Variants in PEX7 observed in about 807,000 individuals in gnomAD.
PEX7 encodes the protein PTS2 receptor.
In PEX7, 34 loss-of-function variants were observed where a neutral mutation model predicts 47.5. The ratio of observed to expected loss-of-function variants is 0.72; its 90% confidence interval spans 0.54 to 0.95. PEX7 has a LOEUF of 0.95. Among genes scored for constraint, PEX7 ranks in the 40% least tolerant of loss-of-function variants. The pLI is 0.00. For missense variants in PEX7, 394 were observed against 400.3 expected, an observed-to-expected ratio of 0.98 and a Z score of 0.13; for synonymous variants, 141 against 148.8, an observed-to-expected ratio of 0.95 and a Z score of 0.38.
chr6:136,860,408 T>C (rs867648675), intron 5 of PEX7, among the ~76,000 whole-genome samples: 65 of 127,244 alleles, frequency 5.1e-4, no homozygotes, highest in African/African-American at 1.3e-3. Context: ...AAGCCATGGC[T>C]CTTTTTTTTT....
At chr6:136,903,948 A>C (rs1049380385) in intron 9 of PEX7, among the ~76,000 whole-genome samples, 1 of 152,010 alleles carries the variant, frequency 6.6e-6, no homozygotes, top group African/African-American at 2.4e-5. Flanking sequence ...CCGGGATTAC[A>C]GGTGTGAGCC....
At position 136,904,779 on chromosome 6, in the gene PEX7, T is replaced by A. The variant is rs113668425; in HGVS notation, c.903+6538T>A. 4.5e-3 allele frequency among the ~76,000 whole-genome samples: 681 copies of A among 152,242 alleles called. 2 individuals are homozygous for A. Among genetic ancestry groups the A allele is most frequent in the African/African-American group, 0.015 (641 of 41,546 alleles). On this transcript the variant is annotated intron_variant, in intron 9 of 9. Transcript: ENST00000318471. ...TTCTTCCCATTCTCAGATATGTCTT[T>A]ATCAGCAGCGTGAAAATGGACTAAT...
chr6:136,846,459 C>T (rs1774602881), intron 5 of PEX7, among the ~76,000 whole-genome samples: 1 of 152,050 alleles, frequency 6.6e-6, no homozygotes. Flanking sequence ...TCATCATTTA[C>T]ATTGGATATA....
At chr6:136,912,046 G>C (rs1295643138) in intron 9 of PEX7, among the ~76,000 whole-genome samples, 1 of 152,068 alleles carries the variant, frequency 6.6e-6, no homozygotes, top group East Asian at 1.9e-4. Flanking sequence ...TAATGATGTT[G>C]AGCACTTTTT....
intron 8 of PEX7, among the ~76,000 whole-genome samples, chr6:136,887,635 G>A (rs1172062181): frequency 6.6e-6 from 1 of 151,926 alleles, no homozygotes; most frequent in Non-Finnish European, 1.5e-5. Context: ...TAAAACAAAT[G>A]TGGCAAAATT....
At chr6:136,865,061 G>A (rs1384593522) in intron 5 of PEX7, among the ~76,000 whole-genome samples, 1 of 152,162 alleles carries the variant, frequency 6.6e-6, no homozygotes, top group Non-Finnish European at 1.5e-5. Flanking sequence ...TAGAAAAACT[G>A]GAGGCAAACA....
At chr6:136,828,400 A>G (rs991160853) in intron 3 of PEX7, among the ~76,000 whole-genome samples, 5 of 152,192 alleles carry the variant, frequency 3.3e-5, no homozygotes, top group African/African-American at 7.2e-5. Context: ...CTCTTGAGAT[A>G]ACTTATTTGA....
intron 9 of PEX7, among the ~76,000 whole-genome samples, chr6:136,908,004 A>G (rs928047958): frequency 6.6e-6 from 1 of 152,160 alleles, no homozygotes; most frequent in Non-Finnish European, 1.5e-5. Flanking sequence ...CTTTGGATTT[A>G]TGTAGCATTT....
intron 8 of PEX7, among the ~76,000 whole-genome samples, chr6:136,872,656 A>G (rs1775203489): frequency 6.6e-6 from 1 of 152,196 alleles, no homozygotes. Context: ...ACATGAGTGT[A>G]TGATTTTTTG....
At chr6:136,842,478 AG>A (rs1774518966) in intron 3 of PEX7, among the ~76,000 whole-genome samples, 1 of 152,160 alleles carries the variant, frequency 6.6e-6, no homozygotes, top group South Asian at 2.1e-4. Context: ...GATTCTCTTG[AG>A]CCGGTGGAGG....
At chr6:136,860,489 G>A (rs1774939649) in intron 5 of PEX7, among the ~76,000 whole-genome samples, 1 of 148,182 alleles carries the variant, frequency 6.7e-6, no homozygotes, top group African/African-American at 2.5e-5. Context: ...GACACAGGAA[G>A]GGGAACATCA....
chr6:136,845,584 T>C (rs958184054), intron 3 of PEX7, 31 bp from the exon 4 acceptor site: 1 of 1,328,326 alleles, frequency 7.5e-7, no homozygotes, highest in African/African-American at 1.4e-5. Context: ...TGATGGTCTT[T>C]TGCTTTCTAA....
In PEX7 at chr6:136,898,179, A is replaced by G. The variant is rs1213280366; in HGVS notation, c.841A>G (p.Thr281Ala). The G allele has an allele frequency of 1.2e-6, 2 of 1,612,634 alleles. No individual in the cohort carries two copies. The highest frequency in any genetic ancestry group is 1.1e-5 in the South Asian group (1 of 91,056). Residue 281 changes from threonine to alanine, a missense_variant, in exon 9 of 10, where the codon ACA becomes GCA. Thr to Ala is a moderately conservative substitution (Grantham distance 58, BLOSUM62 0). Coordinates refer to ENST00000318471, the MANE Select transcript of PEX7 (RefSeq NM_000288.4). Reference sequence around the variant, plus strand: ...TTCAAAGCCTGACTCTCTTCTTGAAACAGTGGAGCATCATACAGAGTTTAC... The same window carrying G: ...TTCAAAGCCTGACTCTCTTCTTGAAGCAGTGGAGCATCATACAGAGTTTAC... The part of the protein sequence containing the change: ...NFSKPDSLLE[T>A]VEHHTEFTCG...
chr6:136,909,428 C>CTA (rs1775898454), intron 9 of PEX7, among the ~76,000 whole-genome samples: 1 of 152,212 alleles, frequency 6.6e-6, no homozygotes, highest in South Asian at 2.1e-4. Context: ...TCTCTCTACT[C>CTA]AACAAAATCT....
chr6:136,874,792 A>G lies in PEX7; in HGVS notation c.803+2539A>G, dbSNP rs1047914420. Among the ~76,000 whole-genome samples, 5 of 151,298 alleles carry G rather than the reference A, an allele frequency of 3.3e-5. No homozygotes were observed. The South Asian group carries it at 1.0e-3, about 32-fold the overall frequency. On this transcript the variant is annotated intron_variant, in intron 8 of 9. Transcript: ENST00000318471. ...ATAAGTTCTTTGAATATCTAGTGGT[A>G]TGTTTATTTTGTTATTTTTCTTCAG... is the stretch of plus-strand genomic sequence containing the variant.
chr6:136,854,662 G>A (rs1284672817), intron 5 of PEX7, among the ~76,000 whole-genome samples: 1 of 152,146 alleles, frequency 6.6e-6, no homozygotes, highest in African/African-American at 2.4e-5. Context: ...GTTCTTGTAA[G>A]GATGTGAATT....
At chr6:136,872,706 A>G (rs978358040) in intron 8 of PEX7, among the ~76,000 whole-genome samples, 1 of 152,194 alleles carries the variant, frequency 6.6e-6, no homozygotes, top group African/African-American at 2.4e-5. Flanking sequence ...ATATATGTGC[A>G]TGGATATCTA....
Position 136,822,638 on chromosome 6 carries a change from G to T in PEX7, c.-28G>T. 6.6e-7 allele frequency: 1 copy of T among 1,522,930 alleles called. No homozygotes were observed. The highest frequency in any genetic ancestry group is 8.8e-7 in the Non-Finnish European group (1 of 1,139,046). The allele number at this position is 1,522,930 out of a possible 1,614,324, so 94.3% of individuals were successfully genotyped here. On this transcript the variant is annotated 5_prime_UTR_variant, in exon 1 of 10. Coordinates refer to ENST00000318471, the MANE Select transcript of PEX7 (RefSeq NM_000288.4). ...ACTCGGAACGGCTTCCGCGGCCGGG[G>T]CAGCGAGGGCCGGGGGCGGCGGGCG...
intron 3 of PEX7, among the ~76,000 whole-genome samples, chr6:136,828,899 T>C (rs1562727134): frequency 3.3e-5 from 5 of 152,262 alleles, no homozygotes; most frequent in Admixed American, 3.3e-4. Flanking sequence ...TACATCATTC[T>C]GTGATTTTGC....
Sources: allele counts gnomAD v4.1 joint callset (sites outside exome capture counted in the v4.1 genomes callset), GRCh38; gene constraint gnomAD v4.1.1; transcripts MANE v1.5; gene names NCBI Gene and HGNC (gene_info 2026-07-23, HGNC 2026-07-21).